SLC17A7: variants seen among roughly 807,000 people sequenced by gnomAD.
The protein encoded by SLC17A7 is solute carrier family 17 member 7.
In SLC17A7, 15 loss-of-function variants were observed where a neutral mutation model predicts 59.1. The ratio of observed to expected loss-of-function variants is 0.25; its 90% CI spans 0.17 to 0.39. SLC17A7 has a LOEUF of 0.39. SLC17A7 is among the 10% of genes least tolerant of loss of function. SLC17A7 has a pLI of 1.00. For missense variants in SLC17A7, 499 were observed against 765.1 expected (o/e 0.65, Z 4.10); for synonymous variants, 353 against 308.9 (o/e 1.14, Z -1.50).
rs2078961118 is a variant in SLC17A7 at position 49,431,685 on chromosome 19, CG to C, written c.1151-238del. Among the ~76,000 whole-genome samples, 1 of 152,186 alleles carries C rather than the reference CG, an allele frequency of 6.6e-6. No homozygotes were observed. Among genetic ancestry groups the C allele is most frequent in the Admixed American group, 6.5e-5 (1 of 15,286 alleles). On this transcript the variant is annotated intron_variant, in intron 9 of 11. Coordinates refer to ENST00000221485, the MANE Select transcript of SLC17A7 (RefSeq NM_020309.4). This position sits in a 1 kb window ranked among gnomAD's most constrained non-coding sequence, Gnocchi z 4.6. ...CGCCCACCAGCTCCATCGCCCCTCC[CG>C]TAGCTCCACCCCTTGACTAGGCCAC...
chr19:49,432,427 G>T, intron 9 of SLC17A7, 92 bp downstream of exon 9: 1 of 1,486,258 alleles, frequency 6.7e-7, no homozygotes. Context: ...AGGCTGGATG[G>T]TTTCCGCCTG....
In SLC17A7 at chr19:49,431,843, TG is replaced by T. The variant is rs1278874873; in HGVS notation, c.1151-396del. ...TTTAAGAGACAAAGTCTCACGACGT[TG>T]CCCAGGCTGGTCTCAAACTCCTGAG... On this transcript the variant is annotated intron_variant, in intron 9 of 11. Transcript: ENST00000221485. The surrounding 1 kb of genome is among the most constrained non-coding windows in gnomAD (Gnocchi z 4.6). Among the ~76,000 whole-genome samples, 1 of 152,118 alleles carries T rather than the reference TG, an allele frequency of 6.6e-6. No individual in the cohort carries two copies. The highest frequency in any genetic ancestry group is 1.5e-5 in the Non-Finnish European group (1 of 68,024).
In SLC17A7 at chr19:49,434,695, G is replaced by A. The variant is rs1206029015; in HGVS notation, c.550-6C>T. ...CAGGCGGGGTATGTGACCCCCTAAA[G>A]AGGAGAAAACCAAGGTCACTGAGAA... is the stretch of plus-strand genomic sequence containing the variant. On this transcript the variant is annotated splice_region_variant and splice_polypyrimidine_tract_variant and intron_variant, in intron 4 of 11. Coordinates refer to ENST00000221485, the MANE Select transcript of SLC17A7 (RefSeq NM_020309.4). 6.2e-7 allele frequency: 1 copy of A among 1,614,070 alleles called. No individual in the cohort carries two copies. Among genetic ancestry groups the A allele is most frequent in the African/African-American group, 1.3e-5 (1 of 74,928 alleles).
chr19:49,431,501 C>T lies in SLC17A7; in HGVS notation c.1151-53G>A, dbSNP rs1375330727. Reference sequence around the variant, plus strand: ...CCTGAGTGTCGGCCGGAGCAAGGCGCAGGCTGCCCCACACCGCCCTTCCAG... The same window carrying T: ...CCTGAGTGTCGGCCGGAGCAAGGCGTAGGCTGCCCCACACCGCCCTTCCAG... On this transcript the variant is annotated intron_variant, in intron 9 of 11. Transcript: ENST00000221485. The surrounding 1 kb of genome is among the most constrained non-coding windows in gnomAD (Gnocchi z 4.6). 2.7e-6 allele frequency: 4 copies of T among 1,481,826 alleles called. No homozygotes were observed. Among genetic ancestry groups the T allele is most frequent in the Non-Finnish European group, 3.7e-6 (4 of 1,068,888 alleles). 91.8% of individuals were successfully genotyped at this position (1,481,826 alleles called of 1,614,324 possible).
At chr19:49,430,871 A>AG (rs1467694223) in intron 11 of SLC17A7, 59 bp from the exon 12 acceptor site, 1 of 1,563,444 alleles carries the variant, frequency 6.4e-7, no homozygotes, top group African/African-American at 1.4e-5. Context: ...AGGCGGAGAG[A>AG]GGGGGAGGCC....
Position 49,441,423 on chromosome 19 carries a change from C to T in SLC17A7, c.-44G>A. The T allele has an allele frequency of 7.0e-7, 1 of 1,419,862 alleles. No individual in the cohort carries two copies. Among genetic ancestry groups the T allele is most frequent in the Non-Finnish European group, 9.2e-7 (1 of 1,084,486 alleles). The allele number at this position is 1,419,862 out of a possible 1,614,324, so 88.0% of individuals were successfully genotyped here. A position where few individuals can be genotyped will look rare whatever the true frequency, so the allele number is the denominator to read the frequency against. ...CGGTCACCCCGCGGGTCCCCCCCGC[C>T]GATCCCCCCGCCCGCGGGCCCGGGC... On this transcript the variant is annotated 5_prime_UTR_variant, in exon 1 of 12. Transcript: ENST00000221485.
intron 2 of SLC17A7, 90 bp from the exon 3 acceptor site, chr19:49,435,376 A>G (rs2078976272): frequency 1.2e-6 from 1 of 863,750 alleles, no homozygotes; most frequent in East Asian, 2.5e-5. Flanking sequence ...GTCTCGACCT[A>G]TCAGCAACGA....
chr19:49,441,487 C>T lies in SLC17A7; in HGVS notation c.-108G>A. 9.2e-7 allele frequency: 1 copy of T among 1,091,236 alleles called. No homozygotes were observed. The highest frequency in any genetic ancestry group is 1.1e-6 in the Non-Finnish European group (1 of 901,246). 67.6% of individuals were successfully genotyped at this position (1,091,236 alleles called of 1,614,324 possible). A position where few individuals can be genotyped will look rare whatever the true frequency, so the allele number is the denominator to read the frequency against. Reference sequence around the variant, plus strand: ...TTCCCGGGGTCCAGCCCCGGCCCGGCCGGCCCCGCAGCTCCGCTCGGGGGG... The same window carrying T: ...TTCCCGGGGTCCAGCCCCGGCCCGGTCGGCCCCGCAGCTCCGCTCGGGGGG... On this transcript the variant is annotated 5_prime_UTR_variant, in exon 1 of 12. Transcript: ENST00000221485.
chr19:49,440,599 G>A (rs1470002714), intron 1 of SLC17A7, among the ~76,000 whole-genome samples: 1 of 152,186 alleles, frequency 6.6e-6, no homozygotes, highest in Non-Finnish European at 1.5e-5. Context: ...GGGACCCAGG[G>A]TGCTGTGACT....
chr19:49,440,940 G>A (rs961541595), intron 1 of SLC17A7, among the ~76,000 whole-genome samples: 2 of 151,830 alleles, frequency 1.3e-5, no homozygotes, highest in African/African-American at 4.8e-5. Context: ...AGAAGGAGGG[G>A]CCCAGAGAGA....
chr19:49,430,879 G>A (rs1777577351), intron 11 of SLC17A7, 67 bp from the exon 12 acceptor site: 1 of 1,559,988 alleles, frequency 6.4e-7, no homozygotes, highest in Non-Finnish European at 8.7e-7. Flanking sequence ...AGAGGGGGAG[G>A]CCTAGAGGAA....
chr19:49,430,412 G>T lies in SLC17A7; in HGVS notation c.*107C>A. 1.3e-6 allele frequency: 1 copy of T among 788,014 alleles called. No homozygotes were observed. The highest frequency in any genetic ancestry group is 2.0e-6 in the Non-Finnish European group (1 of 498,216). 48.8% of individuals were successfully genotyped at this position (788,014 alleles called of 1,614,324 possible). On this transcript the variant is annotated 3_prime_UTR_variant, in exon 12 of 12. Transcript: ENST00000221485. ...TGGGAACAAGGGAGAGTGCTTCTTAGGCCTGAGGCAGGACAGAGAGGAGCA... is the reference window on the plus strand; with the variant it reads ...TGGGAACAAGGGAGAGTGCTTCTTATGCCTGAGGCAGGACAGAGAGGAGCA...
Position 49,431,619 on chromosome 19 carries a change from C to G in SLC17A7, c.1151-171G>C, listed in dbSNP as rs114673295. Among the ~76,000 whole-genome samples the G allele has an allele frequency of 1.6e-3, 251 of 152,152 alleles. 1 individual carries two copies. Among genetic ancestry groups the G allele is most frequent in the African/African-American group, 6.0e-3 (247 of 41,506 alleles). On this transcript the variant is annotated intron_variant, in intron 9 of 11. Transcript: ENST00000221485. This position sits in a 1 kb window ranked among gnomAD's most constrained non-coding sequence, Gnocchi z 4.6. ...CGCCCTCCACGCCACCCGCACCCAC[C>G]CTAACCAGGCCCCTACTTCTCCAAG...
chr19:49,433,569 C>A lies in SLC17A7; in HGVS notation c.867+157G>T. The stretch of plus-strand genomic sequence containing the variant: ...CCCAGCACCTGAGAATCTCGTCCTC[C>A]GCGGGTTGCAACCCGCCTCCTAGGT... On this transcript the variant is annotated intron_variant, in intron 7 of 11. Transcript: ENST00000221485. This position sits in a 1 kb window ranked among gnomAD's most constrained non-coding sequence, Gnocchi z 5.7. 1 of 1,025,972 alleles carries A rather than the reference C, an allele frequency of 9.7e-7. No homozygotes were observed. Among genetic ancestry groups the A allele is most frequent in the Non-Finnish European group, 1.5e-6 (1 of 675,850 alleles). 63.6% of individuals were successfully genotyped at this position (1,025,972 alleles called of 1,614,324 possible). A position where few individuals can be genotyped will look rare whatever the true frequency, so the allele number is the denominator to read the frequency against.
At position 49,431,621 on chromosome 19, in the gene SLC17A7, T is replaced by C. The variant is rs994429817; in HGVS notation, c.1151-173A>G. 1.8e-4 allele frequency among the ~76,000 whole-genome samples: 27 copies of C among 151,784 alleles called. No homozygotes were observed. Among genetic ancestry groups the C allele is most frequent in the Non-Finnish European group, 1.8e-4 (12 of 67,926 alleles). ...CCCTCCACGCCACCCGCACCCACCC[T>C]AACCAGGCCCCTACTTCTCCAAGAC... On this transcript the variant is annotated intron_variant, in intron 9 of 11. Coordinates refer to ENST00000221485, the MANE Select transcript of SLC17A7 (RefSeq NM_020309.4). The surrounding 1 kb of genome is among the most constrained non-coding windows in gnomAD (Gnocchi z 4.6).
Position 49,430,548 on chromosome 19 carries a change from T to TG in SLC17A7, c.1653dup (p.Arg552GlnfsTer32). 1.4e-6 allele frequency: 2 copies of TG among 1,460,328 alleles called. No homozygotes were observed. 90.5% of individuals were successfully genotyped at this position (1,460,328 alleles called of 1,614,324 possible). On this transcript the variant is annotated frameshift_variant, in exon 12 of 12. Coordinates refer to ENST00000221485, the MANE Select transcript of SLC17A7 (RefSeq NM_020309.4). LOFTEE classifies it high-confidence loss of function. ...TAGTCCCGGACAGGGGGTGGGGGCC[T>TG]GGGGGGCTGAAATGTGCTGTGTGTG...
chr19:49,433,933 C>G lies in SLC17A7; in HGVS notation c.724+27G>C. ...CGGCCCCGCTCCGCCCCAGCGCCAC[C>G]CGGAACCAGGCATCCGGGTCCCTCA... On this transcript the variant is annotated intron_variant, in intron 6 of 11. Transcript: ENST00000221485. This position sits in a 1 kb window ranked among gnomAD's most constrained non-coding sequence, Gnocchi z 5.7. The G allele has an allele frequency of 6.2e-7, 1 of 1,613,388 alleles. No homozygotes were observed. The highest frequency in any genetic ancestry group is 1.1e-5 in the South Asian group (1 of 91,074).
rs765882977 is a variant in SLC17A7 at position 49,436,837 on chromosome 19, A to G, written c.63-36T>C. On this transcript the variant is annotated intron_variant, in intron 1 of 11. Coordinates refer to ENST00000221485, the MANE Select transcript of SLC17A7 (RefSeq NM_020309.4). This position sits in a 1 kb window ranked among gnomAD's most constrained non-coding sequence, Gnocchi z 4.1. ...GCAAGAGCCAGAGACTCGGAAGTCC[A>G]GGCCCCCAGCCCCCTCACCCCCAAG... 3.8e-6 allele frequency: 6 copies of G among 1,591,018 alleles called. No individual in the cohort carries two copies. The South Asian group carries it at 5.5e-5, about 15-fold the overall frequency.
rs1381119354 is a variant in SLC17A7, at chr19:49,429,543, C to T, written c.*976G>A. Reference sequence around the variant, plus strand: ...TCCCTTTCATGGGATTCTGTGACTTCTCTATAGGTTCCCCAAATTCTAAGC... The same window carrying T: ...TCCCTTTCATGGGATTCTGTGACTTTTCTATAGGTTCCCCAAATTCTAAGC... On this transcript the variant is annotated 3_prime_UTR_variant, in exon 12 of 12. Transcript: ENST00000221485. 5.0e-6 allele frequency: 2 copies of T among 398,926 alleles called. No homozygotes were observed. The highest frequency in any genetic ancestry group is 3.6e-5 in the East Asian group (1 of 28,098). 24.7% of individuals were successfully genotyped at this position (398,926 alleles called of 1,614,324 possible).
Sources: gnomAD v4.1 joint callset for allele counts (sites outside exome capture counted in the v4.1 genomes callset) on GRCh38, gnomAD v4.1.1 for gene constraint, Gnocchi (gnomAD v3.1) non-coding constraint, MANE v1.5 for transcripts, NCBI Gene and HGNC (gene_info 2026-07-23, HGNC 2026-07-21) for gene names.